The following SPI1 variants were observed in gnomAD, a reference collection of about 807,000 sequenced individuals.
The protein encoded by SPI1 is Spi-1 proto-oncogene, also known as transcription factor PU.1.
SPI1 carries 3 observed loss-of-function variants against 30.7 expected under a neutral mutation model. The ratio of observed to expected loss-of-function variants is 0.10; its 90% CI spans 0.04 to 0.25. SPI1 has a LOEUF of 0.25. SPI1 is among the 10% of genes least tolerant of loss of function. The probability of loss-of-function intolerance (pLI) is 1.00; values close to 1 mark genes in which losing one functional copy is unlikely to be tolerated. For synonymous variants in SPI1, 169 were observed against 157.1 expected (o/e 1.08, Z -0.56); for missense variants, 261 against 371.5 (o/e 0.70, Z 2.45).
rs1415942390 is a variant in SPI1 at position 47,360,686 on chromosome 11, C to T, written c.143-646G>A. Among the ~76,000 whole-genome samples the T allele has an allele frequency of 2.6e-5, 4 of 151,474 alleles. No homozygotes were observed. The South Asian group carries it at 8.3e-4, about 31-fold the overall frequency. On this transcript the variant is annotated intron_variant, in intron 2 of 4. Coordinates refer to ENST00000378538, the MANE Select transcript of SPI1 (RefSeq NM_003120.3). ...ACTAAAATACAAAATATTAGCTGGGCGTGGTGGTAGGTGCCGTAATCCCAG... is the reference window on the plus strand; with the variant it reads ...ACTAAAATACAAAATATTAGCTGGGTGTGGTGGTAGGTGCCGTAATCCCAG...
chr11:47,358,327 A>C (rs376887283), intron 4 of SPI1: 1 of 569,254 alleles, frequency 1.8e-6, no homozygotes, highest in Admixed American at 3.0e-5. Context: ...CCACTCACAT[A>C]TACCATGCTC....
chr11:47,377,957 G>T (rs2095944485), intron 1 of SPI1, among the ~76,000 whole-genome samples: 1 of 152,070 alleles, frequency 6.6e-6, no homozygotes, highest in Non-Finnish European at 1.5e-5. Context: ...CCCCAAGCCA[G>T]TCCCCCCATC....
intron 2 of SPI1, among the ~76,000 whole-genome samples, chr11:47,370,047 T>G (rs2095933610): frequency 6.6e-6 from 1 of 152,176 alleles, no homozygotes; most frequent in African/African-American, 2.4e-5. Flanking sequence ...AGATGGGGGA[T>G]GAGTTTCAGC....
At chr11:47,366,027 C>T (rs897759579) in intron 2 of SPI1, among the ~76,000 whole-genome samples, 1 of 152,070 alleles carries the variant, frequency 6.6e-6, no homozygotes, top group Non-Finnish European at 1.5e-5. Flanking sequence ...TACTTTTATC[C>T]ACCTGACCAC....
intron 2 of SPI1, among the ~76,000 whole-genome samples, chr11:47,362,570 CT>C (rs377422572): frequency 9.2e-4 from 99 of 108,042 alleles, no homozygotes; most frequent in African/African-American, 2.7e-3. Context: ...GACCCTGTCT[CT>C]TTTTTTTTTT....
chr11:47,376,767 C>T (rs1362343701), intron 1 of SPI1, among the ~76,000 whole-genome samples: 1 of 152,140 alleles, frequency 6.6e-6, no homozygotes, highest in African/African-American at 2.4e-5. Flanking sequence ...AGCGTGTGGC[C>T]CAGGATTGCA....
chr11:47,368,085 G>T (rs1398609477), intron 2 of SPI1, among the ~76,000 whole-genome samples: 1 of 152,088 alleles, frequency 6.6e-6, no homozygotes, highest in African/African-American at 2.4e-5. Context: ...CTAAAAATAG[G>T]CCGGGCGCAG....
chr11:47,357,880 A>G (rs2095914002), intron 4 of SPI1, among the ~76,000 whole-genome samples: 1 of 151,790 alleles, frequency 6.6e-6, no homozygotes, highest in Admixed American at 6.6e-5. Context: ...ACACCCATTC[A>G]TGCTCACACA....
At chr11:47,355,801 C>G (rs1426263407) in intron 4 of SPI1, among the ~76,000 whole-genome samples, 2 of 147,920 alleles carry the variant, frequency 1.4e-5, no homozygotes. Context: ...ACACTCGCAC[C>G]CACACAGTGC....
intron 2 of SPI1, among the ~76,000 whole-genome samples, chr11:47,369,532 CA>C (rs1353699021): frequency 7.9e-6 from 1 of 126,556 alleles, no homozygotes; most frequent in African/African-American, 2.9e-5. Flanking sequence ...TAAAAACTTC[CA>C]GAGAAAGAAA....
rs2095916383 is a variant in SPI1, at chr11:47,358,882, C to G, written c.455G>C (p.Gly152Ala). 1.9e-6 allele frequency: 3 copies of G among 1,554,974 alleles called. No individual in the cohort carries two copies. The highest frequency in any genetic ancestry group is 1.7e-6 in the Non-Finnish European group (2 of 1,148,902). The change falls in exon 4 of 5, where the codon GGC (glycine) becomes GCC (alanine). Residue 152 changes from glycine (G) to alanine (A), a missense_variant. Gly to Ala is a moderately conservative substitution (Grantham distance 60). This residue lies in a region of SPI1 where 106 missense variants were observed against 102.0 expected (regional missense o/e 1.04). Coordinates refer to ENST00000378538, the MANE Select transcript of SPI1 (RefSeq NM_003120.3). Reference protein sequence around the residue: ...PLEVSDGEADGLEPGPGLLPG... With the variant: ...PLEVSDGEADALEPGPGLLPG... Reference sequence around the variant, plus strand: ...CAGGAGCCCAGGCCCGGGCTCCAGGCCATCCGCCTCGCCGTCAGACACCTC... The same window carrying G: ...CAGGAGCCCAGGCCCGGGCTCCAGGGCATCCGCCTCGCCGTCAGACACCTC...
intron 4 of SPI1, among the ~76,000 whole-genome samples, chr11:47,357,668 C>G (rs1164709936): frequency 6.6e-6 from 1 of 152,218 alleles, no homozygotes; most frequent in Non-Finnish European, 1.5e-5. Context: ...CGGGTTCAAG[C>G]AATTCTCCTG....
At chr11:47,360,301 C>T (rs74689692) in intron 2 of SPI1, among the ~76,000 whole-genome samples, 2 of 152,158 alleles carry the variant, frequency 1.3e-5, no homozygotes, top group East Asian at 1.9e-4. Flanking sequence ...GTGTTCTCAG[C>T]AATTCCATCC....
At chr11:47,356,337 C>G (rs1049982286) in intron 4 of SPI1, among the ~76,000 whole-genome samples, 1 of 78,422 alleles carries the variant, frequency 1.3e-5, no homozygotes, top group African/African-American at 5.6e-5. Context: ...ACATTCACAA[C>G]CCACTCACAC....
chr11:47,373,540 T>A (rs2095938577), intron 2 of SPI1, among the ~76,000 whole-genome samples: 1 of 151,082 alleles, frequency 6.6e-6, no homozygotes, highest in African/African-American at 2.4e-5. Context: ...CCTAGCTACT[T>A]GGGATGTTGA....
intron 4 of SPI1, among the ~76,000 whole-genome samples, chr11:47,356,705 GC>G (rs1388718498): frequency 6.6e-6 from 1 of 150,742 alleles, no homozygotes; most frequent in South Asian, 2.1e-4. Context: ...GCACACACAT[GC>G]CCCTGCTCAC....
chr11:47,367,940 G>A (rs1256949042), intron 2 of SPI1, among the ~76,000 whole-genome samples: 6 of 151,776 alleles, frequency 4.0e-5, no homozygotes, highest in African/African-American at 1.5e-4. Context: ...TGTATTTTTA[G>A]TAGAGATGGG....
chr11:47,355,224 G>T lies in SPI1; in HGVS notation c.*3C>A. On this transcript the variant is annotated 3_prime_UTR_variant, in exon 5 of 5. Transcript: ENST00000378538. ...CTGGCGGGGCCCGGCGGGGGCTGCG[G>T]GCTCAGTGGGGCGGGTGGCGCCGCT... 1.5e-6 allele frequency: 2 copies of T among 1,369,368 alleles called. No homozygotes were observed. The highest frequency in any genetic ancestry group is 3.5e-5 in the South Asian group (2 of 56,754). The allele number at this position is 1,369,368 out of a possible 1,614,324, so 84.8% of individuals were successfully genotyped here.
intron 2 of SPI1, among the ~76,000 whole-genome samples, chr11:47,368,494 GA>G (rs2142892708): frequency 6.6e-6 from 1 of 152,350 alleles, no homozygotes; most frequent in African/African-American, 2.4e-5. Flanking sequence ...CCAAACGGCA[GA>G]AACACCCTAA....
Sources: gnomAD v4.1 joint callset for allele counts (sites outside exome capture counted in the v4.1 genomes callset) on GRCh38, gnomAD v4.1.1 for gene constraint, gnomAD v4.1.1 regional missense constraint, MANE v1.5 for transcripts, NCBI Gene and HGNC (gene_info 2026-07-23, HGNC 2026-07-21) for gene names.